JAG1: variants seen among roughly 807,000 people sequenced by gnomAD.
The protein encoded by JAG1 is protein jagged-1.
A neutral mutation model predicts 148.7 loss-of-function variants in JAG1; 23 were observed. The ratio of observed to expected loss-of-function variants is 0.15; its 90% CI spans 0.11 to 0.22. The LOEUF is 0.22. Among genes scored for constraint, JAG1 ranks in the 10% least tolerant of loss-of-function variants. The pLI, the probability that JAG1 is intolerant of heterozygous loss-of-function variation, is 1.00. For missense variants in JAG1, 1,054 were observed against 1,611.2 expected, an observed-to-expected ratio of 0.65 and a Z score of 5.92; for synonymous variants, 572 against 598.3, an observed-to-expected ratio of 0.96 and a Z score of 0.64.
Position 10,656,435 on chromosome 20 carries a change from G to T in JAG1, c.718C>A (p.Pro240Thr), listed in dbSNP as rs754307479. 6.2e-7 allele frequency: 1 copy of T among 1,614,064 alleles called. No individual in the cohort carries two copies. The highest frequency in any genetic ancestry group is 8.5e-7 in the Non-Finnish European group (1 of 1,179,932). Residue 240 changes from proline to threonine, a missense_variant, in exon 5 of 26, where the codon CCT becomes ACT. By Grantham distance (38) the Pro-to-Thr change is conservative (BLOSUM62 -1). Coordinates refer to ENST00000254958, the MANE Select transcript of JAG1 (RefSeq NM_000214.3). Reference sequence around the variant, plus strand: ...GGGAGTTTGCAAGACCCATGCTTAGGACTGCAGCCTTGTCGGCAAATAGCT... The same window carrying T: ...GGGAGTTTGCAAGACCCATGCTTAGTACTGCAGCCTTGTCGGCAAATAGCT... ...NRAICRQGCSPKHGSCKLPGD... is the reference protein window; with the variant it reads ...NRAICRQGCSTKHGSCKLPGD...
At chr20:10,655,350 C>G (rs757748020) in intron 5 of JAG1, among the ~76,000 whole-genome samples, 2 of 152,142 alleles carry the variant, frequency 1.3e-5, no homozygotes, top group Non-Finnish European at 2.9e-5. Context: ...ACGGAGCCCA[C>G]GAACCTGCAT....
At chr20:10,663,189 A>G (rs553165495) in intron 3 of JAG1, among the ~76,000 whole-genome samples, 1 of 152,258 alleles carries the variant, frequency 6.6e-6, no homozygotes, top group Non-Finnish European at 1.5e-5. Flanking sequence ...GCACAGACCA[A>G]GAGATTTCAG....
intron 5 of JAG1, among the ~76,000 whole-genome samples, chr20:10,654,511 C>T (rs2067366206): frequency 1.3e-5 from 2 of 151,990 alleles, no homozygotes; most frequent in South Asian, 4.2e-4. Flanking sequence ...ACAACAAAAA[C>T]CAGTAAATTT....
chr20:10,656,939 C>T (rs2067383506), intron 4 of JAG1, among the ~76,000 whole-genome samples: 2 of 146,424 alleles, frequency 1.4e-5, no homozygotes, highest in Non-Finnish European at 3.0e-5. Context: ...ATGGGACTAA[C>T]AGAGCCAGCC....
intron 5 of JAG1, 136 bp from the exon 6 acceptor site, chr20:10,652,734 A>G: frequency 2.4e-6 from 2 of 836,066 alleles, no homozygotes; most frequent in South Asian, 1.5e-5. Flanking sequence ...CCCAAGGCTC[A>G]TCAGGGGCTC....
At position 10,673,406 on chromosome 20, in the gene JAG1, A is replaced by G; in HGVS notation, c.81+44T>C. 7.5e-7 allele frequency: 1 copy of G among 1,333,740 alleles called. No homozygotes were observed. The highest frequency in any genetic ancestry group is 1.0e-6 in the Non-Finnish European group (1 of 1,000,260). 82.6% of individuals were successfully genotyped at this position (1,333,740 alleles called of 1,614,324 possible). ...CAACCGCCCAGGGCGCCGCGAGGGG[A>G]GGGAGAGGACGGCTGGGAGGGAGGC... On this transcript the variant is annotated intron_variant, in intron 1 of 25. Coordinates refer to ENST00000254958, the MANE Select transcript of JAG1 (RefSeq NM_000214.3). This position sits in a 1 kb window ranked among gnomAD's most constrained non-coding sequence, Gnocchi z 4.7.
At chr20:10,641,329 G>A in intron 23 of JAG1, 85 bp from the exon 24 acceptor site, 4 of 1,570,548 alleles carry the variant, frequency 2.5e-6, no homozygotes, top group Non-Finnish European at 3.5e-6. Flanking sequence ...GGCTGGCTAA[G>A]TTCAAGCTTA....
chr20:10,646,666 GC>G (rs1296967200), intron 14 of JAG1, among the ~76,000 whole-genome samples: 2 of 151,624 alleles, frequency 1.3e-5, no homozygotes, highest in Admixed American at 1.3e-4. Context: ...TACAAAATTA[GC>G]TGGGCGTGGT....
In JAG1 at chr20:10,672,727, C is replaced by G; in HGVS notation, c.361G>C (p.Val121Leu). The part of the protein sequence containing the change: ...ASRGNDRNRI[V>L]LPFSFAWPRS... ...GGCCAGGCGAAACTGAAAGGCAGCACGATGCGGTTGCGGTCGTTGCCGCGG... is the reference window on the plus strand; with the variant it reads ...GGCCAGGCGAAACTGAAAGGCAGCAGGATGCGGTTGCGGTCGTTGCCGCGG... Residue 121 changes from valine (V) to leucine (L), a missense_variant, in exon 2 of 26, where the codon GTG becomes CTG. Val to Leu is a conservative substitution (Grantham distance 32). Transcript: ENST00000254958. 1 of 1,613,020 alleles carries G rather than the reference C, an allele frequency of 6.2e-7. No individual in the cohort carries two copies. The highest frequency in any genetic ancestry group is 8.5e-7 in the Non-Finnish European group (1 of 1,180,012).
At chr20:10,648,481 A>T (rs34325313) in intron 12 of JAG1, 68 bp downstream of exon 12, 2 of 1,300,240 alleles carry the variant, frequency 1.5e-6, no homozygotes, top group Non-Finnish European at 2.2e-6. Context: ...GGGAAAAGTA[A>T]AGGGAAGCGG....
At position 10,639,486 on chromosome 20, in the gene JAG1, G is replaced by C; in HGVS notation, c.*12C>G. 6.2e-7 allele frequency: 1 copy of C among 1,611,342 alleles called. No individual in the cohort carries two copies. On this transcript the variant is annotated 3_prime_UTR_variant, in exon 26 of 26. Coordinates refer to ENST00000254958, the MANE Select transcript of JAG1 (RefSeq NM_000214.3). Reference sequence around the variant, plus strand: ...TCAGACTCTACCTAGCGGCGGCAGTGCCCGCGGTCTGCTATACGATGTACT... The same window carrying C: ...TCAGACTCTACCTAGCGGCGGCAGTCCCCGCGGTCTGCTATACGATGTACT...
chr20:10,659,559 C>CCT (rs2067401802), intron 3 of JAG1, among the ~76,000 whole-genome samples: 1 of 105,138 alleles, frequency 9.5e-6, no homozygotes, highest in Non-Finnish European at 1.9e-5. Context: ...GATTAAGTTA[C>CCT]TTTTTTTTTT....
chr20:10,644,043 T>A (rs2067291089), intron 19 of JAG1, among the ~76,000 whole-genome samples, 180 bp from the exon 20 acceptor site: 1 of 152,022 alleles, frequency 6.6e-6, no homozygotes, highest in Admixed American at 6.6e-5. Context: ...ATTTCACAGG[T>A]CTTGGTTGCA....
chr20:10,671,566 G>A (rs1356954598), intron 2 of JAG1, among the ~76,000 whole-genome samples: 1 of 152,082 alleles, frequency 6.6e-6, no homozygotes. Flanking sequence ...GCAGCAGAGT[G>A]CACCCCATTA....
chr20:10,646,285 C>G lies in JAG1; in HGVS notation c.1886-201G>C. The G allele has an allele frequency of 8.4e-6, 5 of 596,786 alleles. No individual in the cohort carries two copies. The Middle Eastern group carries it at 1.3e-3, about 151-fold the overall frequency. The allele number at this position is 596,786 out of a possible 1,614,324, so 37.0% of individuals were successfully genotyped here. On this transcript the variant is annotated intron_variant, in intron 14 of 25. Coordinates refer to ENST00000254958, the MANE Select transcript of JAG1 (RefSeq NM_000214.3). ...CAGAGAGTGCCTTACCCACTTAATG[C>G]CCTCACATGGGCATTTAGTCACCGG...
Position 10,639,879 on chromosome 20 carries a change from G to A in JAG1, c.3276C>T (p.Cys1092=). 1.2e-6 allele frequency: 2 copies of A among 1,614,174 alleles called. No homozygotes were observed. ...ICCLVTAFYW[C]LRKRRKPGSH... ...TGCCCGGCTTCCGCCGCTTCCGCAG[G>A]CACCAGTAGAAGGCCGTCACCAAGC... The change falls in exon 26 of 26, where the codon TGC becomes TGT. Residue 1092 remains cysteine, a synonymous_variant. Transcript: ENST00000254958.
chr20:10,664,044 C>G, intron 2 of JAG1, 30 bp from the exon 3 acceptor site: 2 of 1,602,704 alleles, frequency 1.2e-6, no homozygotes, highest in Non-Finnish European at 1.7e-6. Context: ...TTTAGCAATT[C>G]AGAAACAGGG....
chr20:10,671,271 C>T (rs1337797329), intron 2 of JAG1, among the ~76,000 whole-genome samples: 2 of 152,216 alleles, frequency 1.3e-5, no homozygotes, highest in Non-Finnish European at 2.9e-5. Flanking sequence ...GATTAACAAA[C>T]AAGATAAATA....
Position 10,647,951 on chromosome 20 carries a change from G to A in JAG1, c.1720+9C>T. 1 of 1,614,028 alleles carries A rather than the reference G, an allele frequency of 6.2e-7. No individual in the cohort carries two copies. Among genetic ancestry groups the A allele is most frequent in the Admixed American group, 1.7e-5 (1 of 60,028 alleles). On this transcript the variant is annotated intron_variant, in intron 13 of 25. Transcript: ENST00000254958. ...TGGAGACAGCCAGGTCCCGGGAGAAGGGAGGTACCTTCACAGGGGGTCGTG... is the reference window on the plus strand; with the variant it reads ...TGGAGACAGCCAGGTCCCGGGAGAAAGGAGGTACCTTCACAGGGGGTCGTG...
Sources: allele counts gnomAD v4.1 joint callset (sites outside exome capture counted in the v4.1 genomes callset), GRCh38; gene constraint gnomAD v4.1.1; non-coding constraint Gnocchi (gnomAD v3.1); transcripts MANE v1.5; gene names NCBI Gene and HGNC (gene_info 2026-07-23, HGNC 2026-07-21).